Variants in NWD2 observed in about 807,000 individuals in gnomAD.
NWD2 encodes the protein NACHT and WD repeat domain-containing protein 2.
Under a neutral mutation model 132.7 loss-of-function variants are expected in NWD2, and 37 were observed. The observed-to-expected ratio is 0.28, with a 90% confidence interval of 0.21 to 0.37. The LOEUF (loss-of-function observed/expected upper bound fraction) is 0.37. Among genes scored for constraint, NWD2 ranks in the 10% least tolerant of loss-of-function variants. NWD2 has a pLI of 1.00. For synonymous variants in NWD2, 705 were observed against 803.0 expected (o/e 0.88, Z 2.06); for missense variants, 1,592 against 2,122.4 (o/e 0.75, Z 4.91).
At chr4:37,316,383 AT>A (rs572644190) in intron 1 of NWD2, among the ~76,000 whole-genome samples, 13 of 150,978 alleles carry the variant, frequency 8.6e-5, no homozygotes, top group East Asian at 3.9e-4. Context: ...ATATGTGATA[AT>A]TTTTTTTCTC....
At chr4:37,249,248 A>G (rs1484168517) in intron 1 of NWD2, among the ~76,000 whole-genome samples, 1 of 152,236 alleles carries the variant, frequency 6.6e-6, no homozygotes, top group African/African-American at 2.4e-5. Flanking sequence ...TTGGCCATCA[A>G]GGACTCAGGT....
rs199897345 is a variant in NWD2 at position 37,334,319 on chromosome 4, T to TTTAATGTAG, written c.240+8298_240+8306dup. Among the ~76,000 whole-genome samples, 850 of 152,354 alleles carry TTTAATGTAG rather than the reference T, an allele frequency of 5.6e-3. 6 individuals are homozygous for TTTAATGTAG. The highest frequency in any genetic ancestry group is 6.8e-3 in the Non-Finnish European group (466 of 68,036). On this transcript the variant is annotated intron_variant, in intron 2 of 6. Transcript: ENST00000309447. ...CTTTCTGCTGCCAATAGGATCTCTC[T>TTTAATGTAG]TTAATGTAGTTCCAGCTTCGTTTTC...
intron 1 of NWD2, among the ~76,000 whole-genome samples, chr4:37,285,884 T>C (rs1718221288): frequency 1.3e-5 from 2 of 152,342 alleles, no homozygotes; most frequent in East Asian, 1.9e-4. Flanking sequence ...AAAGTTACTT[T>C]AGTGTCACTT....
At chr4:37,400,263 A>G (rs1391327506) in intron 3 of NWD2, among the ~76,000 whole-genome samples, 1 of 152,182 alleles carries the variant, frequency 6.6e-6, no homozygotes, top group Non-Finnish European at 1.5e-5. Context: ...TAACAGGTCA[A>G]TTTCCCCAGC....
intron 3 of NWD2, among the ~76,000 whole-genome samples, chr4:37,375,552 T>A (rs2109306764): frequency 6.6e-6 from 1 of 150,988 alleles, no homozygotes; most frequent in South Asian, 2.1e-4. Flanking sequence ...TAGGAGGTCT[T>A]ATTCTGGAAT....
At chr4:37,257,739 A>G (rs1717548232) in intron 1 of NWD2, among the ~76,000 whole-genome samples, 1 of 152,208 alleles carries the variant, frequency 6.6e-6, no homozygotes, top group Admixed American at 6.5e-5. Context: ...TCTGCTGTTT[A>G]CCAGATTTTT....
At chr4:37,248,504 C>T (rs1206026821) in intron 1 of NWD2, among the ~76,000 whole-genome samples, 1 of 152,226 alleles carries the variant, frequency 6.6e-6, no homozygotes, top group Non-Finnish European at 1.5e-5. Context: ...TCTAGTTCCA[C>T]CTCCCACCCA....
At position 37,443,988 on chromosome 4, in the gene NWD2, T is replaced by C; in HGVS notation, c.2000T>C (p.Met667Thr). ...LVSRALGYIT[M>T]AKMGLSEMEL... ...TCTAGGGCTCTTGGTTACATCACCA[T>C]GGCCAAAATGGGTCTGAGTGAAATG... is the stretch of plus-strand genomic sequence containing the variant. Residue 667 changes from methionine to threonine, a missense_variant, in exon 7 of 7, where the codon ATG becomes ACG. Met to Thr is a moderately conservative substitution (Grantham distance 81). Coordinates refer to ENST00000309447, the MANE Select transcript of NWD2 (RefSeq NM_001144990.2). The surrounding 1 kb of genome is among the most constrained non-coding windows in gnomAD (Gnocchi z 4.1). 1.9e-6 allele frequency: 3 copies of C among 1,552,326 alleles called. No individual in the cohort carries two copies. Among genetic ancestry groups the C allele is most frequent in the Non-Finnish European group, 2.6e-6 (3 of 1,147,134 alleles).
intron 3 of NWD2, among the ~76,000 whole-genome samples, chr4:37,359,633 TCA>T (rs1011150465): frequency 5.1e-4 from 77 of 152,124 alleles, no homozygotes; most frequent in African/African-American, 1.8e-3. Flanking sequence ...TTCAAAGGCT[TCA>T]CAGTCTTTAG....
At chr4:37,266,540 G>A (rs1017779710) in intron 1 of NWD2, among the ~76,000 whole-genome samples, 2 of 152,170 alleles carry the variant, frequency 1.3e-5, no homozygotes, top group Middle Eastern at 3.4e-3. Flanking sequence ...GATTGGCTTG[G>A]CTGAGGTCAC....
At chr4:37,360,819 G>A (rs1719967166) in intron 3 of NWD2, among the ~76,000 whole-genome samples, 1 of 152,144 alleles carries the variant, frequency 6.6e-6, no homozygotes, top group South Asian at 2.1e-4. Flanking sequence ...TATTTATAGG[G>A]AAGAGGGGGT....
At chr4:37,259,998 T>A (rs764416379) in intron 1 of NWD2, among the ~76,000 whole-genome samples, 8 of 152,228 alleles carry the variant, frequency 5.3e-5, no homozygotes, top group Non-Finnish European at 1.0e-4. Context: ...ATTATGACTT[T>A]GGGGACAAGT....
chr4:37,286,397 G>GGT, intron 1 of NWD2, among the ~76,000 whole-genome samples: 1 of 152,186 alleles, frequency 6.6e-6, no homozygotes, highest in Non-Finnish European at 1.5e-5. Context: ...TTCTTGCCAT[G>GGT]CATGCTACAT....
Position 37,398,974 on chromosome 4 carries a change from T to TG in NWD2, c.358-31596dup, listed in dbSNP as rs1720855253. ...ATTTCTTGGCTGCCATGACAAAAAG[T>TG]GGAACATAGTAAATTTCACATTTTT... is the stretch of plus-strand genomic sequence containing the variant. On this transcript the variant is annotated intron_variant, in intron 3 of 6. Coordinates refer to ENST00000309447, the MANE Select transcript of NWD2 (RefSeq NM_001144990.2). 2.6e-5 allele frequency among the ~76,000 whole-genome samples: 4 copies of TG among 152,306 alleles called. No individual in the cohort carries two copies. The South Asian group carries it at 8.3e-4, about 32-fold the overall frequency.
At chr4:37,375,706 C>G (rs1720333897) in intron 3 of NWD2, among the ~76,000 whole-genome samples, 1 of 151,992 alleles carries the variant, frequency 6.6e-6, no homozygotes, top group East Asian at 1.9e-4. Flanking sequence ...GTAGTTAGGA[C>G]TACAGGTCCC....
At chr4:37,369,494 C>T (rs1472829619) in intron 3 of NWD2, among the ~76,000 whole-genome samples, 1 of 152,060 alleles carries the variant, frequency 6.6e-6, no homozygotes, top group Non-Finnish European at 1.5e-5. Flanking sequence ...ATTTGGCTTA[C>T]ATGAGGGTTT....
rs1028905793 is a variant in NWD2, at chr4:37,443,119, A to G, written c.1297-166A>G. Among the ~76,000 whole-genome samples, 4 of 152,222 alleles carry G rather than the reference A, an allele frequency of 2.6e-5. No homozygotes were observed. Among genetic ancestry groups the G allele is most frequent in the African/African-American group, 4.8e-5 (2 of 41,464 alleles). ...CTGTAGATTTTGGTACACAAGCTTC[A>G]TGGCAGTTCTTTGGCCTTCTCAGAG... On this transcript the variant is annotated intron_variant, in intron 6 of 6. Coordinates refer to ENST00000309447, the MANE Select transcript of NWD2 (RefSeq NM_001144990.2). The surrounding 1 kb of genome is among the most constrained non-coding windows in gnomAD (Gnocchi z 4.1).
chr4:37,434,478 A>G (rs890089405), intron 5 of NWD2, among the ~76,000 whole-genome samples: 49 of 152,322 alleles, frequency 3.2e-4, no homozygotes, highest in African/African-American at 1.1e-3. Flanking sequence ...AATGATAGCC[A>G]AGTAATCAAA....
intron 5 of NWD2, among the ~76,000 whole-genome samples, chr4:37,436,475 C>T (rs1712325271): frequency 6.6e-6 from 1 of 152,130 alleles, no homozygotes; most frequent in South Asian, 2.1e-4. Context: ...CTGAGCCAAG[C>T]TTAGATGGGC....
Sources: allele counts gnomAD v4.1 joint callset (sites outside exome capture counted in the v4.1 genomes callset), GRCh38; gene constraint gnomAD v4.1.1; non-coding constraint Gnocchi (gnomAD v3.1); transcripts MANE v1.5; gene names NCBI Gene and HGNC (gene_info 2026-07-23, HGNC 2026-07-21).